The following PTPRD variants were observed in gnomAD, a reference collection of about 807,000 sequenced individuals.
PTPRD encodes the protein protein tyrosine phosphatase receptor type D.
A neutral mutation model predicts 214.5 loss-of-function variants in PTPRD; 34 were observed. That is an observed-to-expected ratio of 0.16 (90% CI 0.12 to 0.21). The LOEUF (loss-of-function observed/expected upper bound fraction) is 0.21. Among genes scored for constraint, PTPRD ranks in the 10% least tolerant of loss-of-function variants. The pLI is 1.00. For missense variants in PTPRD, 2,545 were observed against 2,398.7 expected (o/e 1.06, Z -1.27); for synonymous variants, 1,128 against 845.7 (o/e 1.33, Z -5.79).
At chr9:9,338,938 T>G (rs1049737243) in intron 9 of PTPRD, among the ~76,000 whole-genome samples, 12 of 151,810 alleles carry the variant, frequency 7.9e-5, no homozygotes, top group African/African-American at 2.9e-4. Flanking sequence ...TATCAAAGAG[T>G]GGCCAAAAAT....
At chr9:9,959,512 G>C (rs2094197620) in intron 4 of PTPRD, among the ~76,000 whole-genome samples, 1 of 152,108 alleles carries the variant, frequency 6.6e-6, no homozygotes, top group Admixed American at 6.6e-5. Flanking sequence ...AAATTTAGCA[G>C]ATTGGATGAT....
intron 28 of PTPRD, 71 bp downstream of exon 28, chr9:8,485,691 G>T: frequency 1.5e-6 from 2 of 1,337,192 alleles, no homozygotes; most frequent in Non-Finnish European, 2.0e-6. Context: ...AGTTATTATA[G>T]CTTCAAAATA....
At chr9:8,454,633 TA>T in intron 33 of PTPRD, 3 of 1,608,152 alleles carry the variant, frequency 1.9e-6, no homozygotes, top group Non-Finnish European at 2.5e-6. Context: ...AAAGAAAGGC[TA>T]AATGTTAGTT....
At chr9:9,907,234 C>G (rs1471869376) in intron 5 of PTPRD, among the ~76,000 whole-genome samples, 3 of 151,894 alleles carry the variant, frequency 2.0e-5, no homozygotes, top group Non-Finnish European at 1.5e-5. Context: ...TGATGATTAT[C>G]AGGAGTTTTG....
At chr9:9,277,423 AT>A (rs1367706638) in intron 9 of PTPRD, among the ~76,000 whole-genome samples, 1 of 151,310 alleles carries the variant, frequency 6.6e-6, no homozygotes, top group Admixed American at 6.6e-5. Context: ...GATAATCACA[AT>A]TTTTTCCGTT....
At chr9:8,696,737 G>C (rs1189988303) in intron 12 of PTPRD, among the ~76,000 whole-genome samples, 1 of 152,172 alleles carries the variant, frequency 6.6e-6, no homozygotes, top group Non-Finnish European at 1.5e-5. Context: ...GTCAACCAAC[G>C]GCCTTGTAAG....
chr9:10,257,109 G>C (rs1182181337), intron 3 of PTPRD, among the ~76,000 whole-genome samples: 1 of 152,148 alleles, frequency 6.6e-6, no homozygotes, highest in Non-Finnish European at 1.5e-5. Flanking sequence ...ACTGAGTTGA[G>C]TGGCTGGCAT....
At chr9:9,616,667 G>T (rs946438824) in intron 7 of PTPRD, among the ~76,000 whole-genome samples, 3 of 152,052 alleles carry the variant, frequency 2.0e-5, no homozygotes, top group African/African-American at 7.2e-5. Flanking sequence ...AAAAGTTCAT[G>T]ATCACATAAG....
chr9:9,853,214 A>G (rs539248652), intron 5 of PTPRD, among the ~76,000 whole-genome samples: 28 of 152,324 alleles, frequency 1.8e-4, no homozygotes, highest in Admixed American at 5.2e-4. Flanking sequence ...CAAGTACTCA[A>G]CTCTATGGTT....
At chr9:10,322,379 CAGG>C (rs1406351022) in intron 3 of PTPRD, among the ~76,000 whole-genome samples, 5 of 152,108 alleles carry the variant, frequency 3.3e-5, no homozygotes, top group Non-Finnish European at 7.4e-5. Flanking sequence ...CAGGCTGAGT[CAGG>C]AGGTTACATG....
chr9:9,941,216 C>G (rs1170455695), intron 4 of PTPRD, among the ~76,000 whole-genome samples: 2 of 152,146 alleles, frequency 1.3e-5, no homozygotes, highest in Non-Finnish European at 2.9e-5. Context: ...TGCCTGGCTT[C>G]CTATATGACT....
chr9:9,299,072 T>C (rs1165151875), intron 9 of PTPRD, among the ~76,000 whole-genome samples: 1 of 151,754 alleles, frequency 6.6e-6, no homozygotes. Context: ...ATCCTGACTA[T>C]TGGCAGATGA....
At chr9:9,937,175 T>G (rs1286833173) in intron 5 of PTPRD, among the ~76,000 whole-genome samples, 1 of 151,838 alleles carries the variant, frequency 6.6e-6, no homozygotes, top group Non-Finnish European at 1.5e-5. Flanking sequence ...TGTATACATA[T>G]GTAACTAACC....
chr9:9,180,986 T>C (rs536003497), intron 10 of PTPRD, among the ~76,000 whole-genome samples: 2 of 152,206 alleles, frequency 1.3e-5, no homozygotes, highest in African/African-American at 2.4e-5. Flanking sequence ...TGTAAAGCAC[T>C]TTTGGACTTG....
intron 35 of PTPRD, among the ~76,000 whole-genome samples, chr9:8,406,900 A>G (rs1405380930): frequency 1.3e-5 from 2 of 152,242 alleles, no homozygotes; most frequent in African/African-American, 4.8e-5. Context: ...AAACATCCCA[A>G]GAAGCTACTA....
intron 14 of PTPRD, among the ~76,000 whole-genome samples, chr9:8,587,260 C>T (rs1431553969): frequency 6.6e-6 from 1 of 152,156 alleles, no homozygotes; most frequent in African/African-American, 2.4e-5. Flanking sequence ...TAAAAATCTG[C>T]AGAGGCACTA....
intron 30 of PTPRD, among the ~76,000 whole-genome samples, chr9:8,477,131 A>T (rs186474305): frequency 9.5e-4 from 144 of 152,230 alleles, no homozygotes; most frequent in Admixed American, 1.4e-3. Context: ...GAAAAAAAAA[A>T]AAATAAATTG....
chr9:8,575,501 C>A (rs1018332124), intron 14 of PTPRD, among the ~76,000 whole-genome samples: 1 of 152,220 alleles, frequency 6.6e-6, no homozygotes, highest in East Asian at 1.9e-4. Flanking sequence ...AAATTACAGG[C>A]TAGTAAGTAT....
intron 5 of PTPRD, among the ~76,000 whole-genome samples, chr9:9,774,185 C>G (rs2098777599): frequency 1.3e-5 from 2 of 152,166 alleles, no homozygotes; most frequent in Admixed American, 1.3e-4. Context: ...GATGAATCTT[C>G]AGGTGCTACT....
Sources: allele counts gnomAD v4.1 joint callset (sites outside exome capture counted in the v4.1 genomes callset), GRCh38; gene constraint gnomAD v4.1.1; transcripts MANE v1.5; gene names NCBI Gene and HGNC (gene_info 2026-07-23, HGNC 2026-07-21).